Variants in PLPPR1 observed in about 807,000 individuals in gnomAD.
PLPPR1 encodes the protein phospholipid phosphatase related 1, also known as phospholipid phosphatase-related protein type 1.
PLPPR1 carries 10 observed loss-of-function variants against 33.1 expected under a neutral mutation model. The ratio of observed to expected loss-of-function variants is 0.30; its 90% CI spans 0.19 to 0.51. PLPPR1 has a LOEUF of 0.51. Among genes scored for constraint, PLPPR1 ranks in the 20% least tolerant of loss-of-function variants. The pLI, the probability that PLPPR1 is intolerant of heterozygous loss-of-function variation, is 0.97. For missense variants in PLPPR1, 304 were observed against 408.1 expected, an observed-to-expected ratio of 0.74 and a Z score of 2.20; for synonymous variants, 151 against 151.0, an observed-to-expected ratio of 1.00 and a Z score of 0.00.
At chr9:101,092,719 T>C (rs1331400794) in intron 1 of PLPPR1, among the ~76,000 whole-genome samples, 1 of 152,176 alleles carries the variant, frequency 6.6e-6, no homozygotes. Flanking sequence ...CTTCCTTGAC[T>C]TCCATCTTAT....
At chr9:101,200,311 T>C (rs955675932) in intron 2 of PLPPR1, among the ~76,000 whole-genome samples, 3 of 152,122 alleles carry the variant, frequency 2.0e-5, no homozygotes, top group Admixed American at 1.3e-4. Flanking sequence ...ATGGACCTCA[T>C]TGGCTTCCCT....
chr9:101,200,865 GA>G (rs1007238825), intron 2 of PLPPR1, among the ~76,000 whole-genome samples: 1 of 151,930 alleles, frequency 6.6e-6, no homozygotes, highest in African/African-American at 2.4e-5. Context: ...AATAATCACA[GA>G]AAAAAAGTAA....
At chr9:101,090,384 T>G (rs1378463998) in intron 1 of PLPPR1, among the ~76,000 whole-genome samples, 1 of 152,138 alleles carries the variant, frequency 6.6e-6, no homozygotes, top group East Asian at 1.9e-4. Context: ...CAGGACTGCA[T>G]AAAATTTAAT....
intron 2 of PLPPR1, among the ~76,000 whole-genome samples, chr9:101,210,167 T>G (rs1232429574): frequency 6.6e-6 from 1 of 152,234 alleles, no homozygotes; most frequent in Non-Finnish European, 1.5e-5. Context: ...TGCAGTACAA[T>G]ATACAGTGGC....
intron 2 of PLPPR1, among the ~76,000 whole-genome samples, chr9:101,244,067 G>A (rs1827535023): frequency 6.6e-6 from 1 of 151,804 alleles, no homozygotes; most frequent in South Asian, 2.1e-4. Flanking sequence ...ATATATTCAA[G>A]AAAAAATGGA....
At chr9:101,180,644 T>C (rs1826094544) in intron 1 of PLPPR1, among the ~76,000 whole-genome samples, 1 of 151,710 alleles carries the variant, frequency 6.6e-6, no homozygotes, top group African/African-American at 2.4e-5. Flanking sequence ...GGAGAAAGAA[T>C]AGTCTCTTCA....
At chr9:101,202,186 A>G (rs1279516423) in intron 2 of PLPPR1, among the ~76,000 whole-genome samples, 1 of 152,202 alleles carries the variant, frequency 6.6e-6, no homozygotes, top group Non-Finnish European at 1.5e-5. Flanking sequence ...TCTGTGACAC[A>G]TGCTTCCAAG....
At chr9:101,296,032 A>G (rs1389974042) in intron 4 of PLPPR1, among the ~76,000 whole-genome samples, 1 of 152,038 alleles carries the variant, frequency 6.6e-6, no homozygotes, top group Non-Finnish European at 1.5e-5. Flanking sequence ...AAAATGGGAG[A>G]AAATTTTCAC....
At chr9:101,117,802 G>A (rs1831133847) in intron 1 of PLPPR1, among the ~76,000 whole-genome samples, 1 of 152,126 alleles carries the variant, frequency 6.6e-6, no homozygotes, top group Non-Finnish European at 1.5e-5. Context: ...AAGATCAAAT[G>A]ACAACCTGCA....
intron 2 of PLPPR1, among the ~76,000 whole-genome samples, chr9:101,268,198 A>G (rs567048332): frequency 6.6e-6 from 1 of 152,154 alleles, no homozygotes; most frequent in Non-Finnish European, 1.5e-5. Context: ...ACATGTATAT[A>G]TATGTAACAA....
chr9:101,091,366 A>G (rs1588024122), intron 1 of PLPPR1, among the ~76,000 whole-genome samples: 1 of 152,176 alleles, frequency 6.6e-6, no homozygotes, highest in South Asian at 2.1e-4. Flanking sequence ...GTAGTTCACA[A>G]TGACCCTCAC....
Position 101,125,131 on chromosome 9 carries a change from A to T in PLPPR1, c.-45-60319A>T, listed in dbSNP as rs145194732. Among the ~76,000 whole-genome samples the T allele has an allele frequency of 2.9e-3, 433 of 151,016 alleles. 2 individuals are homozygous for T. The highest frequency in any genetic ancestry group is 9.6e-3 in the African/African-American group (397 of 41,390). On this transcript the variant is annotated intron_variant, in intron 1 of 7. Transcript: ENST00000374874. ...TGTACCTCTTTAGGGCACTGACCTT[A>T]TATTGCTAGTCTTTGCTTTTGTACC...
chr9:101,080,491 G>A (rs573619041), intron 1 of PLPPR1, among the ~76,000 whole-genome samples: 4 of 152,032 alleles, frequency 2.6e-5, no homozygotes, highest in African/African-American at 4.8e-5. Context: ...TTGCAGCCTG[G>A]GCAACAGAGT....
chr9:101,257,498 T>G (rs1827823199), intron 2 of PLPPR1, among the ~76,000 whole-genome samples: 1 of 152,146 alleles, frequency 6.6e-6, no homozygotes, highest in Non-Finnish European at 1.5e-5. Context: ...GGGATTGGGA[T>G]AGTCACACCT....
At chr9:101,223,134 G>T (rs1826983270) in intron 2 of PLPPR1, among the ~76,000 whole-genome samples, 1 of 109,662 alleles carries the variant, frequency 9.1e-6, no homozygotes, top group Admixed American at 1.2e-4. Context: ...GCAACAAAGT[G>T]AGACCCATCT....
At chr9:101,178,923 G>C (rs1826058776) in intron 1 of PLPPR1, among the ~76,000 whole-genome samples, 1 of 152,116 alleles carries the variant, frequency 6.6e-6, no homozygotes, top group African/African-American at 2.4e-5. Context: ...CTGGCCTAGA[G>C]GTCTTAGTTC....
At chr9:101,080,925 T>A (rs2036428691) in intron 1 of PLPPR1, among the ~76,000 whole-genome samples, 1 of 152,328 alleles carries the variant, frequency 6.6e-6, no homozygotes, top group African/African-American at 2.4e-5. Flanking sequence ...TGTTTAGCCG[T>A]ATCATCTTTC....
intron 2 of PLPPR1, among the ~76,000 whole-genome samples, chr9:101,263,755 C>A (rs1053637440): frequency 6.6e-6 from 1 of 152,110 alleles, no homozygotes; most frequent in Non-Finnish European, 1.5e-5. Context: ...GTGCCTGTTT[C>A]CTCAAATGTA....
chr9:101,315,905 G>A (rs954650116), intron 6 of PLPPR1, among the ~76,000 whole-genome samples: 2 of 152,216 alleles, frequency 1.3e-5, no homozygotes, highest in Non-Finnish European at 2.9e-5. Context: ...CGGAATGTGG[G>A]AGGAAGGGGA....
Sources: gnomAD v4.1 joint callset for allele counts (sites outside exome capture counted in the v4.1 genomes callset) on GRCh38, gnomAD v4.1.1 for gene constraint, MANE v1.5 for transcripts, NCBI Gene and HGNC (gene_info 2026-07-23, HGNC 2026-07-21) for gene names.